MLPH: variants seen among roughly 807,000 people sequenced by gnomAD.
MLPH encodes the protein exophilin-3.
A neutral mutation model predicts 72.1 loss-of-function variants in MLPH; 51 were observed. That is an observed-to-expected ratio of 0.71 (90% CI 0.56 to 0.89). MLPH has a LOEUF of 0.89. Ranked by LOEUF, MLPH falls within the 40% of genes least tolerant of loss-of-function variation. MLPH has a pLI of 0.00. For synonymous variants in MLPH, 301 were observed against 310.1 expected (o/e 0.97, Z 0.31); for missense variants, 743 against 759.9 (o/e 0.98, Z 0.26).
rs558216625 is a variant in MLPH, at chr2:237,552,435, G to A, written c.1774G>A (p.Ala592Thr). 24 of 1,613,608 alleles carry A rather than the reference G, an allele frequency of 1.5e-5. No homozygotes were observed. The highest frequency in any genetic ancestry group is 3.3e-5 in the South Asian group (3 of 91,044). ...GAAAGGAATGGCCAGCCACACCTTC[G>A]CGGTAAAGTTTTCTCTCATTCTCTG... ...ARKGMASHTF[A>T]KPVVAHQS Residue 592 changes from alanine to threonine, a missense_variant and splice_region_variant, in exon 15 of 16, where the codon GCG becomes ACG. Transcript: ENST00000264605.
At chr2:237,491,083 A>G (rs1014213190) in intron 1 of MLPH, among the ~76,000 whole-genome samples, 1 of 152,214 alleles carries the variant, frequency 6.6e-6, no homozygotes, top group African/African-American at 2.4e-5. Context: ...CCCTTTTCAT[A>G]GTTAACCTCT....
intron 4 of MLPH, among the ~76,000 whole-genome samples, chr2:237,514,724 G>A (rs76102670): frequency 5.0e-4 from 76 of 152,278 alleles, no homozygotes; most frequent in African/African-American, 1.3e-3. Context: ...GCTCAGACAC[G>A]GGCACCTGCA....
At chr2:237,551,283 C>T (rs187095178) in intron 14 of MLPH, among the ~76,000 whole-genome samples, 1 of 152,384 alleles carries the variant, frequency 6.6e-6, no homozygotes, top group East Asian at 1.9e-4. Context: ...CCACATGACC[C>T]TGCAGAGAGG....
chr2:237,514,735 G>A (rs1483499887), intron 4 of MLPH, among the ~76,000 whole-genome samples: 1 of 152,206 alleles, frequency 6.6e-6, no homozygotes. Context: ...GGCACCTGCA[G>A]GCCCCTTTAA....
chr2:237,552,554 G>C, intron 15 of MLPH, 117 bp downstream of exon 15: 1 of 882,580 alleles, frequency 1.1e-6, no homozygotes, highest in South Asian at 1.5e-5. Flanking sequence ...CAAAGATTCA[G>C]ACCTGAGAAT....
intron 6 of MLPH, among the ~76,000 whole-genome samples, chr2:237,523,172 G>A (rs2065794116): frequency 6.6e-6 from 1 of 152,122 alleles, no homozygotes; most frequent in Non-Finnish European, 1.5e-5. Flanking sequence ...GGGTTTGAGA[G>A]TCTGGATTGT....
intron 2 of MLPH, 136 bp downstream of exon 2, chr2:237,493,672 A>T (rs2079475177): frequency 2.9e-6 from 2 of 691,144 alleles, no homozygotes; most frequent in African/African-American, 3.5e-5. Flanking sequence ...GGTCTGGGAC[A>T]CAGCTCTTCT....
Position 237,510,935 on chromosome 2 carries a change from C to A in MLPH, c.333-54C>A. ...TGTGTGTGTGTGTGTGAGATTTATG[C>A]AGGCCTGTGTACAGCACTCAGGCAG... On this transcript the variant is annotated intron_variant, in intron 3 of 15. Transcript: ENST00000264605. The surrounding 1 kb of genome is among the most constrained non-coding windows in gnomAD (Gnocchi z 4.4). 6.6e-7 allele frequency: 1 copy of A among 1,525,752 alleles called. No homozygotes were observed. Among genetic ancestry groups the A allele is most frequent in the South Asian group, 1.1e-5 (1 of 88,704 alleles). 94.5% of individuals were successfully genotyped at this position (1,525,752 alleles called of 1,614,324 possible).
chr2:237,488,558 A>G (rs1385491224), intron 1 of MLPH, among the ~76,000 whole-genome samples: 4 of 152,274 alleles, frequency 2.6e-5, no homozygotes, highest in Admixed American at 1.3e-4. Context: ...CTTAGTATCT[A>G]AGTACCAGGC....
chr2:237,527,795 T>C (rs2080336373), intron 8 of MLPH: 1 of 477,942 alleles, frequency 2.1e-6, no homozygotes, highest in Admixed American at 3.5e-5. Context: ...CCCCAAAAAA[T>C]TGAAGACAGG....
chr2:237,516,385 G>C (rs184767622), intron 4 of MLPH, among the ~76,000 whole-genome samples: 1 of 152,190 alleles, frequency 6.6e-6, no homozygotes, highest in Non-Finnish European at 1.5e-5. Flanking sequence ...GGAGCCCTGG[G>C]GGGCAGAGAA....
intron 9 of MLPH, among the ~76,000 whole-genome samples, chr2:237,537,220 G>A (rs534372172): frequency 6.7e-6 from 1 of 149,146 alleles, no homozygotes; most frequent in African/African-American, 2.4e-5. Flanking sequence ...ACACACGTAT[G>A]TTGTCATGTG....
intron 9 of MLPH, among the ~76,000 whole-genome samples, chr2:237,535,860 T>C (rs141863111): frequency 6.6e-6 from 1 of 152,312 alleles, no homozygotes; most frequent in Non-Finnish European, 1.5e-5. Flanking sequence ...CCGAGGAAGA[T>C]TGCTTTAACA....
In MLPH at chr2:237,542,626, C is replaced by T. The variant is rs1025044764; in HGVS notation, c.1506C>T (p.Pro502=). The T allele has an allele frequency of 7.5e-6, 12 of 1,598,538 alleles. No individual in the cohort carries two copies. The Admixed American group carries it at 1.2e-4, about 16-fold the overall frequency. Residue 502 remains proline, a synonymous_variant, in exon 12 of 16, where the codon CCC becomes CCT. Coordinates refer to ENST00000264605, the MANE Select transcript of MLPH (RefSeq NM_024101.7). ...ALRAAGLTVK[P]SGKPRRKSNL... is the part of the protein sequence containing the mutation. ...GGGCCGCAGGGCTCACGGTGAAGCC[C>T]TCGGGAAAGCCCCGGAGGAAGTCAA...
chr2:237,500,240 T>C (rs2079618447), intron 2 of MLPH, among the ~76,000 whole-genome samples: 2 of 152,158 alleles, frequency 1.3e-5, no homozygotes, highest in South Asian at 4.1e-4. Flanking sequence ...GCCTCAACTC[T>C]CTTCTCTGCT....
At chr2:237,549,328 G>C (rs370376203) in intron 14 of MLPH, 50 bp downstream of exon 14, 17 of 1,527,596 alleles carry the variant, frequency 1.1e-5, no homozygotes, top group Admixed American at 1.7e-5. Context: ...AATGAGCTTC[G>C]GGGAGGAAAA....
Position 237,501,593 on chromosome 2 carries a change from G to A in MLPH, c.110+8057G>A, listed in dbSNP as rs527628864. ...TGTAATCCCAGCACTTTGAGAGGCCGAAGAGGGTGGATCACCTGAGGTCAA... is the reference window on the plus strand; with the variant it reads ...TGTAATCCCAGCACTTTGAGAGGCCAAAGAGGGTGGATCACCTGAGGTCAA... On this transcript the variant is annotated intron_variant, in intron 2 of 15. Transcript: ENST00000264605. 3.5e-3 allele frequency among the ~76,000 whole-genome samples: 521 copies of A among 149,040 alleles called. 5 individuals carry two copies. The highest frequency in any genetic ancestry group is 7.1e-3 in the East Asian group (36 of 5,074).
At chr2:237,513,369 C>T (rs878970948) in intron 4 of MLPH, among the ~76,000 whole-genome samples, 1 of 152,164 alleles carries the variant, frequency 6.6e-6, no homozygotes, top group Admixed American at 6.5e-5. Flanking sequence ...CCCCTACCCC[C>T]GTGCCTTCCC....
chr2:237,494,404 G>T (rs1478635058), intron 2 of MLPH, among the ~76,000 whole-genome samples: 1 of 152,122 alleles, frequency 6.6e-6, no homozygotes, highest in African/African-American at 2.4e-5. Context: ...TGTAACAGGT[G>T]GGGGGCATGG....
Sources: gnomAD v4.1 joint callset for allele counts (sites outside exome capture counted in the v4.1 genomes callset) on GRCh38, gnomAD v4.1.1 for gene constraint, Gnocchi (gnomAD v3.1) non-coding constraint, MANE v1.5 for transcripts, NCBI Gene and HGNC (gene_info 2026-07-23, HGNC 2026-07-21) for gene names.